The following CTDSPL2 variants were observed in gnomAD, a reference collection of about 807,000 sequenced individuals.
CTDSPL2 encodes CTD small phosphatase-like protein 2.
A neutral mutation model predicts 60.0 loss-of-function variants in CTDSPL2; 5 were observed. The observed-to-expected ratio is 0.08, with a 90% CI of 0.04 to 0.18. The LOEUF is 0.18. CTDSPL2 is among the 10% of genes least tolerant of loss of function. The pLI, the probability that CTDSPL2 is intolerant of heterozygous loss-of-function variation, is 1.00. For synonymous variants in CTDSPL2, 186 were observed against 189.3 expected (o/e 0.98, Z 0.14); for missense variants, 370 against 548.8 (o/e 0.67, Z 3.26).
intron 2 of CTDSPL2, among the ~76,000 whole-genome samples, chr15:44,460,307 A>G (rs754274827): frequency 1.7e-4 from 26 of 151,976 alleles, no homozygotes; most frequent in Non-Finnish European, 2.9e-4. Context: ...ACGGGTTTTC[A>G]CTATGTTGGC....
intron 8 of CTDSPL2, among the ~76,000 whole-genome samples, chr15:44,504,123 A>C (rs1209351798): frequency 1.3e-5 from 2 of 152,160 alleles, no homozygotes; most frequent in East Asian, 3.9e-4. Flanking sequence ...GGAGATGGGC[A>C]GATCACCTGA....
intron 1 of CTDSPL2, among the ~76,000 whole-genome samples, chr15:44,451,017 G>A (rs1224914282): frequency 1.3e-5 from 2 of 152,104 alleles, no homozygotes; most frequent in East Asian, 3.8e-4. Context: ...GTTAAAACAA[G>A]CAGACTAATA....
chr15:44,455,404 C>G (rs1262054516), intron 1 of CTDSPL2, among the ~76,000 whole-genome samples: 1 of 152,072 alleles, frequency 6.6e-6, no homozygotes, highest in Non-Finnish European at 1.5e-5. Flanking sequence ...TAATTGAATA[C>G]CCTTTATTTC....
At chr15:44,520,823 T>A (rs927394481) in intron 11 of CTDSPL2, 2 of 152,202 alleles carry the variant, frequency 1.3e-5, no homozygotes, top group African/African-American at 4.8e-5. Context: ...ATTAATTTGT[T>A]AAGTTTCTAC....
intron 1 of CTDSPL2, among the ~76,000 whole-genome samples, chr15:44,447,018 T>C (rs1167747003): frequency 2.0e-5 from 3 of 152,168 alleles, no homozygotes; most frequent in Non-Finnish European, 4.4e-5. Flanking sequence ...CTGGTAACTT[T>C]TTAATCAGTT....
intron 8 of CTDSPL2, among the ~76,000 whole-genome samples, chr15:44,507,499 C>T (rs2081489878): frequency 6.6e-6 from 1 of 152,184 alleles, no homozygotes; most frequent in Non-Finnish European, 1.5e-5. Flanking sequence ...CAGCATCTGT[C>T]TACCTCTTAT....
In CTDSPL2 at chr15:44,444,877, T is replaced by G. The variant is rs2080176041; in HGVS notation, c.-24-14114T>G. Among the ~76,000 whole-genome samples the G allele has an allele frequency of 2.4e-5, 3 of 123,486 alleles. No individual in the cohort carries two copies. In the South Asian group the frequency reaches 9.0e-4, roughly 37 times the overall value. The allele number at this position is 123,486 out of a possible 152,430, so 81.0% of individuals were successfully genotyped here. A position where few individuals can be genotyped will look rare whatever the true frequency, so the allele number is the denominator to read the frequency against. On this transcript the variant is annotated intron_variant, in intron 1 of 12. Transcript: ENST00000260327. ...TTTTTTTTTTTTTTTAGACGGAGTCTCCCTCTGTTGCCCAGGCTGGAGTGC... is the reference window on the plus strand; with the variant it reads ...TTTTTTTTTTTTTTTAGACGGAGTCGCCCTCTGTTGCCCAGGCTGGAGTGC...
Position 44,506,927 on chromosome 15 carries a change from C to T in CTDSPL2, c.969+7114C>T, listed in dbSNP as rs1022427489. Among the ~76,000 whole-genome samples the T allele has an allele frequency of 7.3e-5, 11 of 151,576 alleles. No individual in the cohort carries two copies. The East Asian group carries it at 7.8e-4, about 11-fold the overall frequency. ...GACTACAGGCGCCTGCCACTACACC[C>T]GGCTAATTTTTTTGTATTTTTAGTA... On this transcript the variant is annotated intron_variant, in intron 8 of 12. Coordinates refer to ENST00000260327, the MANE Select transcript of CTDSPL2 (RefSeq NM_016396.3).
intron 5 of CTDSPL2, among the ~76,000 whole-genome samples, chr15:44,494,408 C>T (rs2081263490): frequency 6.6e-6 from 1 of 152,070 alleles, no homozygotes; most frequent in Non-Finnish European, 1.5e-5. Context: ...GAGTTCAAGA[C>T]CAGCCTGGGC....
chr15:44,517,499 A>G (rs1248740888), intron 10 of CTDSPL2: 1 of 152,232 alleles, frequency 6.6e-6, no homozygotes, highest in East Asian at 1.9e-4. Flanking sequence ...AAAAGAAGAA[A>G]AAAAGAAATT....
chr15:44,452,763 G>C (rs529180732), intron 1 of CTDSPL2, among the ~76,000 whole-genome samples: 2 of 151,660 alleles, frequency 1.3e-5, no homozygotes, highest in Non-Finnish European at 2.9e-5. Flanking sequence ...CATACCTTTG[G>C]GGTTTTAACT....
rs867702028 is a variant in CTDSPL2 at position 44,433,465 on chromosome 15, C to T, written c.-25+5693C>T. On this transcript the variant is annotated intron_variant, in intron 1 of 12. Transcript: ENST00000260327. ...TGTTTTATATACATATATATACACACACACACACACACACACACACACTTT... is the reference window on the plus strand; with the variant it reads ...TGTTTTATATACATATATATACACATACACACACACACACACACACACTTT... Among the ~76,000 whole-genome samples, 798 of 131,920 alleles carry T rather than the reference C, an allele frequency of 6.0e-3. 9 individuals carry two copies. The highest frequency in any genetic ancestry group is 0.025 in the African/African-American group (725 of 29,012). The allele number at this position is 131,920 out of a possible 152,430, so 86.5% of individuals were successfully genotyped here.
chr15:44,467,612 C>T (rs930613828), intron 2 of CTDSPL2, among the ~76,000 whole-genome samples: 3 of 152,054 alleles, frequency 2.0e-5, no homozygotes, highest in South Asian at 2.1e-4. Context: ...CTCACTCTCT[C>T]GCCCAGGCTG....
intron 5 of CTDSPL2, among the ~76,000 whole-genome samples, chr15:44,492,715 A>G (rs1157780883): frequency 1.3e-5 from 2 of 152,240 alleles, no homozygotes; most frequent in African/African-American, 4.8e-5. Flanking sequence ...TGAAAGATTC[A>G]TATGTATAAT....
chr15:44,517,841 T>C (rs977937150), intron 10 of CTDSPL2, among the ~76,000 whole-genome samples: 4 of 152,230 alleles, frequency 2.6e-5, no homozygotes, highest in Non-Finnish European at 5.9e-5. Context: ...TGAATCTTAT[T>C]TAGGCCCAAC....
intron 1 of CTDSPL2, among the ~76,000 whole-genome samples, chr15:44,453,563 A>G: frequency 6.7e-6 from 1 of 149,994 alleles, no homozygotes; most frequent in South Asian, 2.1e-4. Flanking sequence ...TCCCAATGCT[A>G]TCCCTCCCCC....
At chr15:44,485,499 C>G (rs2081102425) in intron 3 of CTDSPL2, among the ~76,000 whole-genome samples, 1 of 152,196 alleles carries the variant, frequency 6.6e-6, no homozygotes, top group Non-Finnish European at 1.5e-5. Flanking sequence ...AAGGATCGCA[C>G]AACCTAGATC....
chr15:44,446,532 A>C (rs1367670390), intron 1 of CTDSPL2, among the ~76,000 whole-genome samples: 3 of 152,030 alleles, frequency 2.0e-5, no homozygotes, highest in African/African-American at 7.2e-5. Context: ...TGGGAGGCCA[A>C]GGCAGGAGAA....
In CTDSPL2 at chr15:44,490,810, C is replaced by G; in HGVS notation, c.502C>G (p.Gln168Glu). Residue 168 changes from glutamine (Q) to glutamate (E), a missense_variant, in exon 5 of 13, where the codon CAG (glutamine) becomes GAG (glutamate). By Grantham distance (29) the Gln-to-Glu change is conservative. Transcript: ENST00000260327. ...NGTSGSDSPG[Q>E]AVEAEEIVKQ... is the part of the protein sequence containing the mutation. ...AACGTCAGGATCAGATTCTCCAGGACAGGCTGTGGAAGCTGAAGAAATAGT... is the reference window on the plus strand; with the variant it reads ...AACGTCAGGATCAGATTCTCCAGGAGAGGCTGTGGAAGCTGAAGAAATAGT... 1 of 1,612,940 alleles carries G rather than the reference C, an allele frequency of 6.2e-7. No homozygotes were observed. The highest frequency in any genetic ancestry group is 8.5e-7 in the Non-Finnish European group (1 of 1,179,878).
Sources: allele counts gnomAD v4.1 joint callset (sites outside exome capture counted in the v4.1 genomes callset), GRCh38; gene constraint gnomAD v4.1.1; transcripts MANE v1.5; gene names NCBI Gene and HGNC (gene_info 2026-07-23, HGNC 2026-07-21).